Variants in DENND1A observed in about 807,000 individuals in gnomAD.
The protein encoded by DENND1A is DENN domain-containing protein 1A.
DENND1A carries 51 observed loss-of-function variants against 113.7 expected under a neutral mutation model. The ratio of observed to expected loss-of-function variants is 0.45; its 90% confidence interval spans 0.36 to 0.57. The LOEUF is 0.57. Ranked by LOEUF, DENND1A falls within the 20% of genes least tolerant of loss-of-function variation. The pLI, the probability that DENND1A is intolerant of heterozygous loss-of-function variation, is 0.00. For missense variants in DENND1A, 1,258 were observed against 1,395.9 expected (o/e 0.90, Z 1.57); for synonymous variants, 565 against 570.8 (o/e 0.99, Z 0.14).
intron 18 of DENND1A, among the ~76,000 whole-genome samples, chr9:123,445,446 G>A (rs2047232799): frequency 6.6e-6 from 1 of 152,230 alleles, no homozygotes; most frequent in African/African-American, 2.4e-5. Context: ...TCAGTGCTGG[G>A]TCCTACAAAG....
intron 6 of DENND1A, among the ~76,000 whole-genome samples, chr9:123,675,983 C>T (rs963322128): frequency 6.6e-6 from 1 of 152,016 alleles, no homozygotes; most frequent in African/African-American, 2.4e-5. Context: ...TAACAATTTC[C>T]AATAATAGGA....
At chr9:123,690,851 A>G (rs754860348) in intron 5 of DENND1A, among the ~76,000 whole-genome samples, 3 of 152,268 alleles carry the variant, frequency 2.0e-5, no homozygotes, top group Admixed American at 6.5e-5. Flanking sequence ...ACCCAGTTCC[A>G]AAATGGGCTT....
At chr9:123,582,726 G>A (rs572078105) in intron 12 of DENND1A, among the ~76,000 whole-genome samples, 1 of 146,606 alleles carries the variant, frequency 6.8e-6, no homozygotes, top group South Asian at 2.2e-4. Flanking sequence ...TTGAGATGGA[G>A]TCTCGCTCTG....
intron 2 of DENND1A, among the ~76,000 whole-genome samples, chr9:123,824,820 G>GTA (rs1163772048): frequency 6.6e-6 from 1 of 152,050 alleles, no homozygotes; most frequent in East Asian, 1.9e-4. Flanking sequence ...TACTGTTTTG[G>GTA]AGAAAAAGAT....
At chr9:123,526,868 T>C (rs1160823543) in intron 13 of DENND1A, among the ~76,000 whole-genome samples, 7 of 152,214 alleles carry the variant, frequency 4.6e-5, no homozygotes, top group Non-Finnish European at 1.0e-4. Flanking sequence ...ACCATCTATA[T>C]GTTGATACAA....
intron 3 of DENND1A, among the ~76,000 whole-genome samples, chr9:123,784,858 G>T (rs1057371591): frequency 2.0e-5 from 3 of 152,158 alleles, no homozygotes; most frequent in Admixed American, 1.3e-4. Flanking sequence ...AAATTGGGAA[G>T]AAATCTTCAA....
Position 123,577,507 on chromosome 9 carries a change from C to G in DENND1A, c.867+5662G>C, listed in dbSNP as rs751774128. Among the ~76,000 whole-genome samples the G allele has an allele frequency of 2.6e-5, 4 of 152,188 alleles. 1 individual carries two copies. Among genetic ancestry groups the G allele is most frequent in the Non-Finnish European group, 4.4e-5 (3 of 68,038 alleles). ...CTCTTGTTAGGGGTGACATTTTCCT[C>G]ATTCTCAACATGTCTTGCACTTTTA... On this transcript the variant is annotated intron_variant, in intron 12 of 23. Coordinates refer to ENST00000394215, the MANE Select transcript of DENND1A (RefSeq NM_001352964.2).
intron 5 of DENND1A, among the ~76,000 whole-genome samples, chr9:123,724,284 T>G (rs2067539418): frequency 6.6e-6 from 1 of 152,170 alleles, no homozygotes; most frequent in African/African-American, 2.4e-5. Flanking sequence ...GGAGATCAAA[T>G]CTGTGGAGCA....
chr9:123,842,467 C>T (rs549856475), intron 2 of DENND1A, among the ~76,000 whole-genome samples: 2 of 147,112 alleles, frequency 1.4e-5, no homozygotes, highest in South Asian at 4.3e-4. Flanking sequence ...TCTGGTTTAG[C>T]AGAAAAAAAA....
At chr9:123,789,582 A>T (rs1461493467) in intron 3 of DENND1A, among the ~76,000 whole-genome samples, 2 of 152,128 alleles carry the variant, frequency 1.3e-5, no homozygotes, top group African/African-American at 4.8e-5. Context: ...GACAGAGAAG[A>T]TCAAAATGGA....
At chr9:123,914,879 A>G (rs1854803823) in intron 1 of DENND1A, among the ~76,000 whole-genome samples, 1 of 152,102 alleles carries the variant, frequency 6.6e-6, no homozygotes, top group Non-Finnish European at 1.5e-5. Context: ...CCCACCTCCA[A>G]CACTGGGAAT....
At chr9:123,644,265 G>A (rs564055991) in intron 9 of DENND1A, among the ~76,000 whole-genome samples, 5 of 152,068 alleles carry the variant, frequency 3.3e-5, no homozygotes, top group South Asian at 2.1e-4. Context: ...TTAAAAGGGT[G>A]GGGGAGAACG....
At chr9:123,851,467 G>C (rs1217114364) in intron 2 of DENND1A, among the ~76,000 whole-genome samples, 1 of 152,084 alleles carries the variant, frequency 6.6e-6, no homozygotes, top group African/African-American at 2.4e-5. Context: ...ATGGCCTCTG[G>C]GTAAAGATCA....
At chr9:123,655,292 G>T (rs1246485535) in intron 8 of DENND1A, among the ~76,000 whole-genome samples, 1 of 152,182 alleles carries the variant, frequency 6.6e-6, no homozygotes, top group Non-Finnish European at 1.5e-5. Flanking sequence ...CCAGCAGTTT[G>T]ATGACAGCAA....
chr9:123,786,144 T>C (rs62579211), intron 3 of DENND1A, among the ~76,000 whole-genome samples: 16,622 of 151,372 alleles, frequency 0.11, 1,309 homozygotes, highest in Non-Finnish European at 0.17. Flanking sequence ...ACCTAGGAGG[T>C]GGAGGTTGGC....
chr9:123,531,480 C>T (rs2055292781), intron 13 of DENND1A, among the ~76,000 whole-genome samples: 13 of 151,516 alleles, frequency 8.6e-5, no homozygotes, highest in Admixed American at 8.6e-4. Context: ...TTACCACCGA[C>T]CTTTCACCCA....
chr9:123,423,255 T>A (rs890975573), intron 19 of DENND1A, among the ~76,000 whole-genome samples: 1 of 151,424 alleles, frequency 6.6e-6, no homozygotes, highest in African/African-American at 2.4e-5. Flanking sequence ...CCGGTAAGAG[T>A]CCCCTGGAAA....
chr9:123,617,716 G>C (rs2060728919), intron 10 of DENND1A, among the ~76,000 whole-genome samples: 1 of 152,190 alleles, frequency 6.6e-6, no homozygotes, highest in Admixed American at 6.5e-5. Flanking sequence ...GTTAATCACA[G>C]AGCAAAGGTC....
intron 4 of DENND1A, 56 bp from the exon 5 acceptor site, chr9:123,757,878 A>C (rs769375660): frequency 4.9e-5 from 78 of 1,596,344 alleles, no homozygotes; most frequent in Non-Finnish European, 6.3e-5. Context: ...TTCTTGATAA[A>C]GTATCTAATC....
Sources: gnomAD v4.1 joint callset for allele counts (sites outside exome capture counted in the v4.1 genomes callset) on GRCh38, gnomAD v4.1.1 for gene constraint, MANE v1.5 for transcripts, NCBI Gene and HGNC (gene_info 2026-07-23, HGNC 2026-07-21) for gene names.